The following RAD51B variants were observed in gnomAD, a reference collection of about 807,000 sequenced individuals.
RAD51B encodes the protein RAD51 paralog B.
RAD51B carries 38 observed loss-of-function variants against 42.2 expected under a neutral mutation model. That is an observed-to-expected ratio of 0.90 (90% CI 0.70 to 1.18). The LOEUF (loss-of-function observed/expected upper bound fraction) is 1.18, where lower values mean the gene tolerates loss of function less well. RAD51B is among the 50% of genes most tolerant of loss of function. The pLI, the probability that RAD51B is intolerant of heterozygous loss-of-function variation, is 0.00. For missense variants in RAD51B, 373 were observed against 400.7 expected, an observed-to-expected ratio of 0.93 and a Z score of 0.59; for synonymous variants, 154 against 145.2, an observed-to-expected ratio of 1.06 and a Z score of -0.43.
At chr14:68,256,545 C>T (rs1386439719) in intron 7 of RAD51B, among the ~76,000 whole-genome samples, 1 of 152,158 alleles carries the variant, frequency 6.6e-6, no homozygotes, top group Non-Finnish European at 1.5e-5. Flanking sequence ...CCAGGAACAG[C>T]TCTACTGCTC....
chr14:68,176,235 A>G (rs1264602200), intron 7 of RAD51B, among the ~76,000 whole-genome samples: 1 of 152,112 alleles, frequency 6.6e-6, no homozygotes, highest in Non-Finnish European at 1.5e-5. Context: ...ACACGTATCT[A>G]TTTTTCTGGG....
intron 10 of RAD51B, among the ~76,000 whole-genome samples, chr14:68,558,292 G>T (rs955978592): frequency 6.6e-6 from 1 of 152,224 alleles, no homozygotes; most frequent in African/African-American, 2.4e-5. Flanking sequence ...CCACCATCGG[G>T]GGCTCAGCAC....
intron 10 of RAD51B, among the ~76,000 whole-genome samples, chr14:68,528,913 C>G (rs572482791): frequency 6.6e-6 from 1 of 152,124 alleles, no homozygotes; most frequent in African/African-American, 2.4e-5. Context: ...TAACTTGCTC[C>G]CAGTCTCTCA....
At chr14:68,654,100 G>A (rs1892759902) in intron 11 of RAD51B, among the ~76,000 whole-genome samples, 1 of 152,254 alleles carries the variant, frequency 6.6e-6, no homozygotes, top group African/African-American at 2.4e-5. Context: ...GACACTCCAG[G>A]AAGAGATGAT....
At chr14:67,933,094 A>T (rs1032964175) in intron 7 of RAD51B, among the ~76,000 whole-genome samples, 2 of 152,216 alleles carry the variant, frequency 1.3e-5, no homozygotes, top group African/African-American at 4.8e-5. Flanking sequence ...TGCTATGGCA[A>T]TATGCAGAGA....
intron 8 of RAD51B, among the ~76,000 whole-genome samples, chr14:68,300,944 G>C (rs771729622): frequency 6.6e-6 from 1 of 152,182 alleles, no homozygotes; most frequent in Non-Finnish European, 1.5e-5. Flanking sequence ...CTCTGTGTCT[G>C]TTAGTTACAT....
At chr14:67,844,520 T>G (rs887069267) in intron 4 of RAD51B, among the ~76,000 whole-genome samples, 3 of 151,472 alleles carry the variant, frequency 2.0e-5, no homozygotes, top group Non-Finnish European at 4.4e-5. Context: ...ACCTGGGTGC[T>G]CCTATGTTTG....
intron 7 of RAD51B, among the ~76,000 whole-genome samples, chr14:68,100,566 G>A (rs1255796111): frequency 6.6e-6 from 1 of 152,120 alleles, no homozygotes; most frequent in East Asian, 1.9e-4. Context: ...AGGTCAGGTA[G>A]TACTTGACAC....
At chr14:68,073,561 A>G (rs1022256906) in intron 7 of RAD51B, among the ~76,000 whole-genome samples, 1 of 152,098 alleles carries the variant, frequency 6.6e-6, no homozygotes, top group Non-Finnish European at 1.5e-5. Context: ...TGATCCTGTC[A>G]TCATGTTGTT....
intron 10 of RAD51B, among the ~76,000 whole-genome samples, chr14:68,509,624 C>T (rs1594927235): frequency 6.6e-6 from 1 of 152,186 alleles, no homozygotes; most frequent in East Asian, 1.9e-4. Flanking sequence ...ATCCTAAATC[C>T]ATCCCTTGTT....
intron 7 of RAD51B, among the ~76,000 whole-genome samples, chr14:68,148,438 A>C (rs1164053556): frequency 6.6e-6 from 1 of 152,242 alleles, no homozygotes; most frequent in African/African-American, 2.4e-5. Flanking sequence ...CTCACCAGCA[A>C]TGAATGAGAG....
intron 7 of RAD51B, among the ~76,000 whole-genome samples, chr14:68,078,307 C>A (rs1197359411): frequency 1.3e-5 from 2 of 152,154 alleles, no homozygotes; most frequent in Non-Finnish European, 2.9e-5. Context: ...CACCACTGTG[C>A]CTGGCCAAGA....
At chr14:68,255,080 CT>C (rs376564962) in intron 7 of RAD51B, among the ~76,000 whole-genome samples, 1 of 151,906 alleles carries the variant, frequency 6.6e-6, no homozygotes, top group Non-Finnish European at 1.5e-5. Context: ...CACATGCTCC[CT>C]TTTTTTTCTT....
chr14:68,050,792 T>C (rs2076380390), intron 7 of RAD51B, among the ~76,000 whole-genome samples: 1 of 152,164 alleles, frequency 6.6e-6, no homozygotes, highest in Non-Finnish European at 1.5e-5. Flanking sequence ...TTTTATTATA[T>C]GCAAATACAT....
chr14:68,579,756 C>G (rs2750136), intron 10 of RAD51B, among the ~76,000 whole-genome samples: 1 of 152,210 alleles, frequency 6.6e-6, no homozygotes, highest in Non-Finnish European at 1.5e-5. Flanking sequence ...TTTCTGTTCC[C>G]CACCCATGTT....
intron 10 of RAD51B, among the ~76,000 whole-genome samples, chr14:68,530,303 C>T (rs1319960378): frequency 2.0e-5 from 3 of 151,324 alleles, no homozygotes; most frequent in African/African-American, 7.3e-5. Context: ...AAAAAAATGC[C>T]AGTCATAATG....
intron 3 of RAD51B, among the ~76,000 whole-genome samples, chr14:67,831,154 C>T (rs778909286): frequency 9.9e-5 from 15 of 152,080 alleles, no homozygotes; most frequent in Admixed American, 7.2e-4. Flanking sequence ...GGATTACAGG[C>T]GTGAACCACC....
chr14:68,025,226 T>A (rs2075933790), intron 7 of RAD51B, among the ~76,000 whole-genome samples: 2 of 152,174 alleles, frequency 1.3e-5, no homozygotes, highest in South Asian at 4.1e-4. Context: ...ATTTTTGATA[T>A]GCTGCTGGAT....
At chr14:67,902,415 T>C (rs958755017) in intron 7 of RAD51B, among the ~76,000 whole-genome samples, 2 of 152,226 alleles carry the variant, frequency 1.3e-5, no homozygotes, top group African/African-American at 4.8e-5. Context: ...AGTGACTGTT[T>C]TTATCCTTAG....
Sources: gnomAD v4.1 joint callset for allele counts (sites outside exome capture counted in the v4.1 genomes callset) on GRCh38, gnomAD v4.1.1 for gene constraint, MANE v1.5 for transcripts, NCBI Gene and HGNC (gene_info 2026-07-23, HGNC 2026-07-21) for gene names.